TWIST2: variants seen among roughly 807,000 people sequenced by gnomAD.
The protein encoded by TWIST2 is twist family bHLH transcription factor 2.
Under a neutral mutation model 11.6 loss-of-function variants are expected in TWIST2, and 1 was observed. The ratio of observed to expected loss-of-function variants is 0.09; its 90% CI spans 0.03 to 0.41. TWIST2 has a LOEUF of 0.41. Among genes scored for constraint, TWIST2 ranks in the 10% least tolerant of loss-of-function variants. The pLI, the probability that TWIST2 is intolerant of heterozygous loss-of-function variation, is 0.98. For missense variants in TWIST2, 168 were observed against 226.4 expected (o/e 0.74, Z 1.66); for synonymous variants, 87 against 96.6 (o/e 0.90, Z 0.58).
At chr2:238,907,073 G>A in intron 1 of TWIST2, among the ~76,000 whole-genome samples, 1 of 152,340 alleles carries the variant, frequency 6.6e-6, no homozygotes, top group Middle Eastern at 3.4e-3. Flanking sequence ...ATCCCTGCTA[G>A]AGCTCAGGTC....
chr2:238,870,173 A>C (rs868492613), intron 1 of TWIST2, among the ~76,000 whole-genome samples: 69 of 63,958 alleles, frequency 1.1e-3, no homozygotes, highest in Non-Finnish European at 1.4e-3. Flanking sequence ...CACACCACAC[A>C]CCCCACACAC....
At chr2:238,865,932 C>T (rs968296789) in intron 1 of TWIST2, among the ~76,000 whole-genome samples, 3 of 152,172 alleles carry the variant, frequency 2.0e-5, no homozygotes, top group South Asian at 2.1e-4. Flanking sequence ...GGGGTCGGAT[C>T]GGCCCTTCTT....
intron 1 of TWIST2, among the ~76,000 whole-genome samples, chr2:238,880,010 G>A (rs967023132): frequency 6.6e-6 from 1 of 152,326 alleles, no homozygotes; most frequent in African/African-American, 2.4e-5. Flanking sequence ...ACCTTCACGG[G>A]GCTCTGGGCT....
In TWIST2 at chr2:238,898,492, A is replaced by T. The variant is rs968560243; in HGVS notation, c.*36-11350A>T. Among the ~76,000 whole-genome samples, 371 of 152,342 alleles carry T rather than the reference A, an allele frequency of 2.4e-3. 3 individuals are homozygous for T. The highest frequency in any genetic ancestry group is 8.6e-3 in the African/African-American group (359 of 41,590). On this transcript the variant is annotated intron_variant, in intron 1 of 1. Coordinates refer to ENST00000612363, the MANE Select transcript of TWIST2 (RefSeq NM_001271893.4). ...AAGAACTTAGAATGCCCATGAGGCCATTGAGGATGCAAAGATCGCTTGGAT... is the reference window on the plus strand; with the variant it reads ...AAGAACTTAGAATGCCCATGAGGCCTTTGAGGATGCAAAGATCGCTTGGAT...
At chr2:238,893,557 C>T (rs1444316643) in intron 1 of TWIST2, among the ~76,000 whole-genome samples, 1 of 152,164 alleles carries the variant, frequency 6.6e-6, no homozygotes, top group Non-Finnish European at 1.5e-5. Context: ...ATTCCCAGGG[C>T]TTTGTTCCTC....
chr2:238,854,705 C>T (rs2106349178), intron 1 of TWIST2, among the ~76,000 whole-genome samples: 1 of 152,310 alleles, frequency 6.6e-6, no homozygotes, highest in South Asian at 2.1e-4. Context: ...TAAGTAGATG[C>T]CCCTGCTGAA....
chr2:238,854,959 C>T (rs1410544336), intron 1 of TWIST2, among the ~76,000 whole-genome samples: 1 of 152,238 alleles, frequency 6.6e-6, no homozygotes, highest in Non-Finnish European at 1.5e-5. Context: ...CATCTCTGCT[C>T]TTTGAGTGGT....
chr2:238,896,411 C>T (rs909526940), intron 1 of TWIST2, among the ~76,000 whole-genome samples: 8 of 152,168 alleles, frequency 5.3e-5, no homozygotes, highest in Admixed American at 2.6e-4. Flanking sequence ...CCAGTGGTGC[C>T]GGAAGTCCCT....
chr2:238,867,993 C>T lies in TWIST2; in HGVS notation c.*35+19260C>T, dbSNP rs551472084. 1.5e-4 allele frequency among the ~76,000 whole-genome samples: 23 copies of T among 152,242 alleles called. No individual in the cohort carries two copies. Among genetic ancestry groups the T allele is most frequent in the East Asian group, 5.8e-4 (3 of 5,180 alleles). ...CCTGCATGTAGTGAGGCTCGGGAAA[C>T]GTGGAACGAAAGAAAGATAGAAAAA... On this transcript the variant is annotated intron_variant, in intron 1 of 1. Coordinates refer to ENST00000612363, the MANE Select transcript of TWIST2 (RefSeq NM_001271893.4). This position sits in a 1 kb window ranked among gnomAD's most constrained non-coding sequence, Gnocchi z 4.8.
At chr2:238,909,680 C>G (rs1015411474) in intron 1 of TWIST2, among the ~76,000 whole-genome samples, 162 bp from the exon 2 acceptor site, 1 of 152,134 alleles carries the variant, frequency 6.6e-6, no homozygotes, top group African/African-American at 2.4e-5. Flanking sequence ...TAGCAGTCAC[C>G]TGCCCAGTGT....
intron 1 of TWIST2, among the ~76,000 whole-genome samples, chr2:238,869,124 G>C (rs904059290): frequency 2.6e-5 from 4 of 152,210 alleles, no homozygotes; most frequent in African/African-American, 7.2e-5. Flanking sequence ...ATCGACTCCT[G>C]CAAAGCCTGC....
chr2:238,887,584 C>T (rs1340280731), intron 1 of TWIST2, among the ~76,000 whole-genome samples: 1 of 152,224 alleles, frequency 6.6e-6, no homozygotes, highest in Admixed American at 6.5e-5. Context: ...GACTCTCTCC[C>T]TTCACACTCC....
intron 1 of TWIST2, among the ~76,000 whole-genome samples, chr2:238,899,330 G>A (rs1693242652): frequency 6.6e-6 from 1 of 152,234 alleles, no homozygotes; most frequent in Non-Finnish European, 1.5e-5. Context: ...TTGCTCTCTT[G>A]GGCTCCTGTT....
At chr2:238,894,412 G>T (rs1693182921) in intron 1 of TWIST2, among the ~76,000 whole-genome samples, 2 of 152,128 alleles carry the variant, frequency 1.3e-5, no homozygotes, top group African/African-American at 4.8e-5. Flanking sequence ...CCCACACTCA[G>T]CGGGTCACTG....
intron 1 of TWIST2, among the ~76,000 whole-genome samples, chr2:238,872,964 G>C (rs1035720802): frequency 5.9e-5 from 9 of 152,180 alleles, no homozygotes; most frequent in Non-Finnish European, 1.5e-5. Context: ...ACTAGAATCT[G>C]TCTCTCCTGT....
chr2:238,850,234 C>T (rs1296164912), intron 1 of TWIST2, among the ~76,000 whole-genome samples: 1 of 152,184 alleles, frequency 6.6e-6, no homozygotes, highest in Non-Finnish European at 1.5e-5. Context: ...TGGGAATCTT[C>T]TCCTGTCTTT....
intron 1 of TWIST2, chr2:238,887,322 T>C (rs1693057629): frequency 6.6e-6 from 1 of 152,162 alleles, no homozygotes; most frequent in African/African-American, 2.4e-5. Context: ...AGTTAAGCTT[T>C]TTCATGGGCT....
At chr2:238,852,143 GA>G (rs1162526380) in intron 1 of TWIST2, among the ~76,000 whole-genome samples, 1 of 149,740 alleles carries the variant, frequency 6.7e-6, no homozygotes, top group African/African-American at 2.4e-5. Context: ...TTTAAAAAAA[GA>G]AAAAAAAACA....
At chr2:238,894,440 C>T (rs1002369220) in intron 1 of TWIST2, among the ~76,000 whole-genome samples, 1 of 152,208 alleles carries the variant, frequency 6.6e-6, no homozygotes, top group Non-Finnish European at 1.5e-5. Context: ...TGGGTGGCCC[C>T]TTGCCGCCTG....
Sources: allele counts gnomAD v4.1 joint callset (sites outside exome capture counted in the v4.1 genomes callset), GRCh38; gene constraint gnomAD v4.1.1; non-coding constraint Gnocchi (gnomAD v3.1); transcripts MANE v1.5; gene names NCBI Gene and HGNC (gene_info 2026-07-23, HGNC 2026-07-21).